Variants in ENAM observed in about 807,000 individuals in gnomAD.
ENAM encodes enamelin.
Under a neutral mutation model 33.6 loss-of-function variants are expected in ENAM, and 21 were observed. That is an observed-to-expected ratio of 0.63 (90% CI 0.44 to 0.90). The LOEUF (loss-of-function observed/expected upper bound fraction) is 0.90. Among genes scored for constraint, ENAM ranks in the 40% least tolerant of loss-of-function variants. The pLI is 0.00. For synonymous variants in ENAM, 473 were observed against 468.4 expected, an observed-to-expected ratio of 1.01 and a Z score of -0.13; for missense variants, 1,388 against 1,366.9, an observed-to-expected ratio of 1.02 and a Z score of -0.24.
chr4:70,644,204 A>G lies in ENAM; in HGVS notation c.2778A>G (p.Thr926=). 6.2e-7 allele frequency: 1 copy of G among 1,614,092 alleles called. No individual in the cohort carries two copies. Among genetic ancestry groups the G allele is most frequent in the Non-Finnish European group, 8.5e-7 (1 of 1,179,998 alleles). Residue 926 remains threonine, a synonymous_variant, in exon 9 of 9, where the codon ACA becomes ACG. Coordinates refer to ENST00000396073, the MANE Select transcript of ENAM (RefSeq NM_031889.3). ...TKQTRDIISP[T]SILPGQRNSS... Reference sequence around the variant, plus strand: ...AGACAAGAGATATCATCTCCCCAACAAGCATCCTACCAGGCCAAAGAAACA... The same window carrying G: ...AGACAAGAGATATCATCTCCCCAACGAGCATCCTACCAGGCCAAAGAAACA...
Position 70,642,872 on chromosome 4 carries a change from C to A in ENAM, c.1446C>A (p.Val482=). 1 of 1,613,984 alleles carries A rather than the reference C, an allele frequency of 6.2e-7. No individual in the cohort carries two copies. The highest frequency in any genetic ancestry group is 8.5e-7 in the Non-Finnish European group (1 of 1,179,992). ...KLPHSEGYMP[V]PNFNSVDQHE... The stretch of plus-strand genomic sequence containing the variant: ...CTCACTCTGAGGGTTATATGCCAGT[C>A]CCAAATTTTAATTCTGTTGATCAAC... The change falls in exon 9 of 9, where the codon GTC becomes GTA. Residue 482 remains valine (V), a synonymous_variant. Coordinates refer to ENST00000396073, the MANE Select transcript of ENAM (RefSeq NM_031889.3).
At chr4:70,633,162 C>T (rs1194635106) in intron 5 of ENAM, among the ~76,000 whole-genome samples, 1 of 151,968 alleles carries the variant, frequency 6.6e-6, no homozygotes, top group Admixed American at 6.6e-5. Context: ...ACAGACAAAT[C>T]AAGTATCAGG....
At chr4:70,638,023 G>A (rs1337979979) in intron 8 of ENAM, among the ~76,000 whole-genome samples, 180 bp downstream of exon 8, 2 of 152,066 alleles carry the variant, frequency 1.3e-5, no homozygotes, top group Non-Finnish European at 2.9e-5. Flanking sequence ...GATTGATGGT[G>A]GACTCCAGAC....
At chr4:70,632,615 A>G in intron 4 of ENAM, 36 bp from the exon 5 acceptor site, 1 of 1,476,958 alleles carries the variant, frequency 6.8e-7, no homozygotes, top group Admixed American at 1.7e-5. Flanking sequence ...TAAAAGTTTC[A>G]CTTTGTATCA....
rs1296052478 is a variant in ENAM, at chr4:70,642,198, C to A, written c.772C>A (p.Pro258Thr). 1.9e-6 allele frequency: 3 copies of A among 1,614,002 alleles called. No individual in the cohort carries two copies. Among genetic ancestry groups the A allele is most frequent in the Non-Finnish European group, 2.5e-6 (3 of 1,180,018 alleles). Residue 258 changes from proline (P) to threonine (T), a missense_variant, in exon 9 of 9, where the codon CCT becomes ACT. Physicochemically the swap from Pro to Thr is conservative, Grantham distance 38 (BLOSUM62 -1). Coordinates refer to ENST00000396073, the MANE Select transcript of ENAM (RefSeq NM_031889.3). ...VTETNSTQPN[P>T]KGSQGGNDTS... Reference sequence around the variant, plus strand: ...TGAGACGAATTCTACCCAACCAAATCCTAAAGGGAGTCAGGGAGGAAATGA... The same window carrying A: ...TGAGACGAATTCTACCCAACCAAATACTAAAGGGAGTCAGGGAGGAAATGA...
At chr4:70,640,205 G>T (rs1738564049) in intron 8 of ENAM, among the ~76,000 whole-genome samples, 1 of 152,116 alleles carries the variant, frequency 6.6e-6, no homozygotes, top group South Asian at 2.1e-4. Context: ...ACCTTCACAT[G>T]GGAGAATTAA....
At chr4:70,630,469 C>T (rs1738282840) in intron 2 of ENAM, among the ~76,000 whole-genome samples, 1 of 152,092 alleles carries the variant, frequency 6.6e-6, no homozygotes, top group South Asian at 2.1e-4. Context: ...TTATTTTCCT[C>T]TATTGTATAT....
chr4:70,637,750 G>C (rs761347861), intron 7 of ENAM, 40 bp from the exon 8 acceptor site: 4 of 1,522,146 alleles, frequency 2.6e-6, no homozygotes, highest in East Asian at 2.3e-5. Flanking sequence ...GGCATCGAAC[G>C]TGGTTTTCTC....
chr4:70,637,728 C>A, intron 7 of ENAM, 62 bp from the exon 8 acceptor site: 3 of 1,288,022 alleles, frequency 2.3e-6, no homozygotes, highest in Non-Finnish European at 3.4e-6. Context: ...CTGAGTCTTA[C>A]AAACAAATGG....
intron 7 of ENAM, 55 bp from the exon 8 acceptor site, chr4:70,637,735 A>G (rs1738489982): frequency 1.5e-6 from 2 of 1,334,800 alleles, no homozygotes; most frequent in South Asian, 1.2e-5. Flanking sequence ...TTACAAACAA[A>G]TGGCGGCATC....
Position 70,643,159 on chromosome 4 carries a change from A to C in ENAM, c.1733A>C (p.Glu578Ala). ...DHQEISPPFKEDPGRQEEHLP... is the reference protein window; with the variant it reads ...DHQEISPPFKADPGRQEEHLP... The stretch of plus-strand genomic sequence containing the variant: ...CAAGAAATCTCTCCACCTTTTAAGG[A>C]AGATCCAGGGAGGCAAGAAGAACAT... The change falls in exon 9 of 9, where the codon GAA (glutamate) becomes GCA (alanine). Residue 578 changes from glutamate to alanine, a missense_variant. Coordinates refer to ENST00000396073, the MANE Select transcript of ENAM (RefSeq NM_031889.3). 6.2e-7 allele frequency: 1 copy of C among 1,613,972 alleles called. No individual in the cohort carries two copies. Among genetic ancestry groups the C allele is most frequent in the Non-Finnish European group, 8.5e-7 (1 of 1,179,976 alleles).
chr4:70,629,401 G>C lies in ENAM; in HGVS notation c.-60-40G>C. ...TGTGCTGCCTTAGAACTGAAGCTTTGCTATTCATTTCATTTATTTGTTCCA... is the reference window on the plus strand; with the variant it reads ...TGTGCTGCCTTAGAACTGAAGCTTTCCTATTCATTTCATTTATTTGTTCCA... On this transcript the variant is annotated intron_variant, in intron 1 of 8. Transcript: ENST00000396073. 7 of 887,750 alleles carry C rather than the reference G, an allele frequency of 7.9e-6. No homozygotes were observed. The South Asian group carries it at 9.2e-5, about 12-fold the overall frequency. 55.0% of individuals were successfully genotyped at this position (887,750 alleles called of 1,614,324 possible).
intron 8 of ENAM, among the ~76,000 whole-genome samples, chr4:70,640,100 G>A (rs1402543266): frequency 6.6e-6 from 1 of 152,188 alleles, no homozygotes; most frequent in Non-Finnish European, 1.5e-5. Context: ...AGTTCGTGAT[G>A]ATTAAATCAT....
rs755276965 is a variant in ENAM, at chr4:70,631,827, A to G, written c.124-22A>G. On this transcript the variant is annotated intron_variant, in intron 3 of 8. Transcript: ENST00000396073. ...TTTCAACTGATGTTCTGCATTTGTC[A>G]CTGACATTCTCTTACTTCCAGATGC... The G allele has an allele frequency of 3.7e-6, 6 of 1,613,614 alleles. No homozygotes were observed. In the East Asian group the frequency reaches 8.9e-5, roughly 24 times the overall value.
chr4:70,637,697 CTT>C, intron 7 of ENAM, 91 bp from the exon 8 acceptor site: 4 of 920,170 alleles, frequency 4.3e-6, no homozygotes, highest in Non-Finnish European at 3.7e-6. Flanking sequence ...CAATCATTGA[CTT>C]GAGCTATTTT....
chr4:70,642,977 C>T lies in ENAM; in HGVS notation c.1551C>T (p.Pro517=), dbSNP rs780485063. ...GACAAACCCAAAGCCAGAATTTGCC[C>T]AAAGGGATTGTTTTAGGGTCAAGAA... The part of the protein sequence containing the change: ...SDGQTQSQNL[P]KGIVLGSRRM... Residue 517 remains proline, a synonymous_variant, in exon 9 of 9, where the codon CCC becomes CCT. Transcript: ENST00000396073. The T allele has an allele frequency of 6.8e-6, 11 of 1,613,960 alleles. No homozygotes were observed. In the South Asian group the frequency reaches 1.1e-4, roughly 16 times the overall value.
chr4:70,635,184 C>A (rs1738419748), intron 6 of ENAM, among the ~76,000 whole-genome samples: 1 of 152,122 alleles, frequency 6.6e-6, no homozygotes, highest in South Asian at 2.1e-4. Flanking sequence ...CAAGACCAGC[C>A]TGGCCAACAT....
At position 70,642,616 on chromosome 4, in the gene ENAM, A is replaced by G; in HGVS notation, c.1190A>G (p.Asn397Ser). 1 of 1,614,088 alleles carries G rather than the reference A, an allele frequency of 6.2e-7. No homozygotes were observed. Among genetic ancestry groups the G allele is most frequent in the Non-Finnish European group, 8.5e-7 (1 of 1,179,972 alleles). The change falls in exon 9 of 9, where the codon AAT becomes AGT. Residue 397 changes from asparagine to serine, a missense_variant. By Grantham distance (46) the Asn-to-Ser change is conservative. Coordinates refer to ENST00000396073, the MANE Select transcript of ENAM (RefSeq NM_031889.3). The stretch of plus-strand genomic sequence containing the variant: ...GGCAATTATCCCAATTATGCAGGAA[A>G]TCCAGCAAATCTCAGAAGAAAGCCT... The part of the protein sequence containing the change: ...SRGNYPNYAG[N>S]PANLRRKPQG...
rs1339957834 is a variant in ENAM at position 70,645,601 on chromosome 4, C to T, written c.*746C>T. The T allele has an allele frequency of 1.3e-5, 2 of 152,188 alleles. No individual in the cohort carries two copies. The highest frequency in any genetic ancestry group is 2.9e-5 in the Non-Finnish European group (2 of 68,066). 9.4% of individuals were successfully genotyped at this position (152,188 alleles called of 1,614,324 possible). A position where few individuals can be genotyped will look rare whatever the true frequency, so the allele number is the denominator to read the frequency against. On this transcript the variant is annotated 3_prime_UTR_variant, in exon 9 of 9. Transcript: ENST00000396073. ...TACCACTTATCAACTAATCCCTCTC[C>T]TCTCTGATTCCTTTCTTCCCTTCAA...
Sources: gnomAD v4.1 joint callset for allele counts (sites outside exome capture counted in the v4.1 genomes callset) on GRCh38, gnomAD v4.1.1 for gene constraint, MANE v1.5 for transcripts, NCBI Gene and HGNC (gene_info 2026-07-23, HGNC 2026-07-21) for gene names.